The following MARCHF1 variants were observed in gnomAD, a reference collection of about 807,000 sequenced individuals.
MARCHF1 encodes membrane associated ring-CH-type finger 1, also known as E3 ubiquitin-protein ligase MARCHF1.
A neutral mutation model predicts 54.2 loss-of-function variants in MARCHF1; 40 were observed. That is an observed-to-expected ratio of 0.74 (90% CI 0.57 to 0.96). The LOEUF (loss-of-function observed/expected upper bound fraction) is 0.96. MARCHF1 is among the 40% of genes least tolerant of loss of function. The pLI is 0.00. For missense variants in MARCHF1, 586 were observed against 656.5 expected, an observed-to-expected ratio of 0.89 and a Z score of 1.17; for synonymous variants, 236 against 236.3, an observed-to-expected ratio of 1.00 and a Z score of 0.01.
At chr4:164,148,819 A>C (rs985005277) in intron 1 of MARCHF1, among the ~76,000 whole-genome samples, 3 of 152,016 alleles carry the variant, frequency 2.0e-5, no homozygotes, top group Non-Finnish European at 4.4e-5. Flanking sequence ...TCAACCACCC[A>C]TAACAATTAA....
chr4:164,052,535 A>C (rs539480024), intron 2 of MARCHF1, among the ~76,000 whole-genome samples: 2 of 152,094 alleles, frequency 1.3e-5, no homozygotes, highest in Non-Finnish European at 2.9e-5. Context: ...GTCTCAAAAA[A>C]AAAAGAGCCT....
chr4:164,344,581 T>C (rs914198104), intron 1 of MARCHF1, among the ~76,000 whole-genome samples: 3 of 152,118 alleles, frequency 2.0e-5, no homozygotes, highest in Non-Finnish European at 4.4e-5. Flanking sequence ...GTGTCAACAC[T>C]CTGCTGTGTT....
intron 5 of MARCHF1, among the ~76,000 whole-genome samples, chr4:163,659,684 A>G (rs1743275727): frequency 6.6e-6 from 1 of 152,088 alleles, no homozygotes; most frequent in Non-Finnish European, 1.5e-5. Context: ...CAGAGTCTAC[A>G]AGGAATTTAA....
chr4:163,688,731 T>C (rs1430799960), intron 5 of MARCHF1, among the ~76,000 whole-genome samples: 1 of 152,162 alleles, frequency 6.6e-6, no homozygotes, highest in Non-Finnish European at 1.5e-5. Flanking sequence ...AGAGTATCAG[T>C]AGAGAGCATT....
At chr4:163,947,551 G>A (rs549218496) in intron 3 of MARCHF1, among the ~76,000 whole-genome samples, 2 of 152,200 alleles carry the variant, frequency 1.3e-5, no homozygotes, top group South Asian at 4.1e-4. Context: ...CCAGAGATGA[G>A]AGTGATGTGT....
chr4:163,855,266 T>C (rs1749740986), intron 3 of MARCHF1, among the ~76,000 whole-genome samples: 1 of 152,154 alleles, frequency 6.6e-6, no homozygotes, highest in African/African-American at 2.4e-5. Flanking sequence ...AATGGATTTC[T>C]TAATAAAACC....
chr4:163,985,171 A>G (rs1251003199), intron 3 of MARCHF1, among the ~76,000 whole-genome samples: 1 of 144,760 alleles, frequency 6.9e-6, no homozygotes, highest in Non-Finnish European at 1.5e-5. Flanking sequence ...TAATGGACCA[A>G]TATCTACTCA....
chr4:164,027,971 C>T (rs965598291), intron 2 of MARCHF1, among the ~76,000 whole-genome samples: 2 of 152,056 alleles, frequency 1.3e-5, no homozygotes, highest in South Asian at 2.1e-4. Context: ...GGCCAACAAA[C>T]GTGTGAGAAA....
At chr4:164,311,161 G>A (rs1417801093) in intron 1 of MARCHF1, among the ~76,000 whole-genome samples, 2 of 151,988 alleles carry the variant, frequency 1.3e-5, no homozygotes, top group Non-Finnish European at 2.9e-5. Flanking sequence ...ATTCTTTTTA[G>A]TTAACCGTCC....
chr4:163,970,966 C>G (rs1006047264), intron 3 of MARCHF1, among the ~76,000 whole-genome samples: 1 of 152,130 alleles, frequency 6.6e-6, no homozygotes, highest in Non-Finnish European at 1.5e-5. Context: ...AGGCACAATA[C>G]CCCCGGTAAT....
chr4:164,189,223 A>G, intron 1 of MARCHF1: 1 of 565,730 alleles, frequency 1.8e-6, no homozygotes, highest in Non-Finnish European at 3.3e-6. Flanking sequence ...GAAAGACGAT[A>G]GGGCTGTGCA....
intron 3 of MARCHF1, among the ~76,000 whole-genome samples, chr4:163,882,759 A>G (rs970314377): frequency 1.3e-5 from 2 of 152,056 alleles, no homozygotes; most frequent in Non-Finnish European, 1.5e-5. Flanking sequence ...GCTTGAACCT[A>G]GGAGTTCGAG....
intron 1 of MARCHF1, among the ~76,000 whole-genome samples, chr4:164,267,167 G>C (rs1733631778): frequency 1.3e-5 from 2 of 152,216 alleles, no homozygotes; most frequent in Admixed American, 1.3e-4. Context: ...AGAAAAGATA[G>C]CACATTTGAA....
At chr4:163,895,824 CACAA>C (rs1323344345) in intron 3 of MARCHF1, among the ~76,000 whole-genome samples, 4 of 152,212 alleles carry the variant, frequency 2.6e-5, no homozygotes, top group African/African-American at 2.4e-5. Context: ...ATGGGTAATG[CACAA>C]ACAGAGTCCC....
intron 3 of MARCHF1, among the ~76,000 whole-genome samples, chr4:163,913,201 G>A (rs746552805): frequency 5.3e-5 from 8 of 152,118 alleles, no homozygotes; most frequent in African/African-American, 7.2e-5. Flanking sequence ...TAAAAGCCTC[G>A]TTATGTGTTT....
At chr4:163,569,507 A>G (rs933060154) in intron 8 of MARCHF1, among the ~76,000 whole-genome samples, 2 of 152,258 alleles carry the variant, frequency 1.3e-5, no homozygotes, top group South Asian at 4.1e-4. Context: ...TATTCTCATC[A>G]TGTTCCAGAT....
chr4:164,122,612 C>T (rs962667714), intron 1 of MARCHF1, among the ~76,000 whole-genome samples: 1 of 152,004 alleles, frequency 6.6e-6, no homozygotes, highest in Non-Finnish European at 1.5e-5. Context: ...CAAAACCTGT[C>T]GCATCCACTG....
At chr4:163,793,532 T>C (rs1362305245) in intron 4 of MARCHF1, among the ~76,000 whole-genome samples, 2 of 152,172 alleles carry the variant, frequency 1.3e-5, no homozygotes, top group African/African-American at 4.8e-5. Context: ...ACAAAGTGTT[T>C]GGTCATACTA....
intron 1 of MARCHF1, among the ~76,000 whole-genome samples, chr4:164,296,811 G>T (rs1405619461): frequency 6.6e-6 from 1 of 152,138 alleles, no homozygotes; most frequent in East Asian, 1.9e-4. Flanking sequence ...TTATGTTCAT[G>T]GCCCAAACAT....
Sources: gnomAD v4.1 joint callset for allele counts (sites outside exome capture counted in the v4.1 genomes callset) on GRCh38, gnomAD v4.1.1 for gene constraint, MANE v1.5 for transcripts, NCBI Gene and HGNC (gene_info 2026-07-23, HGNC 2026-07-21) for gene names.